KMT5A: variants seen among roughly 807,000 people sequenced by gnomAD.
The protein encoded by KMT5A is lysine methyltransferase 5A.
In KMT5A, 6 loss-of-function variants were observed where a neutral mutation model predicts 40.6. That is an observed-to-expected ratio of 0.15 (90% CI 0.08 to 0.29). The LOEUF (loss-of-function observed/expected upper bound fraction) is 0.29, where lower values mean the gene tolerates loss of function less well. Among genes scored for constraint, KMT5A ranks in the 10% least tolerant of loss-of-function variants. The probability of loss-of-function intolerance (pLI) is 1.00; values close to 1 mark genes in which losing one functional copy is unlikely to be tolerated. For missense variants in KMT5A, 308 were observed against 459.1 expected (o/e 0.67, Z 3.01); for synonymous variants, 153 against 178.8 (o/e 0.86, Z 1.15).
At chr12:123,388,931 C>G (rs1259004782) in intron 1 of KMT5A, 1 of 145,102 alleles carries the variant, frequency 6.9e-6, no homozygotes, top group Non-Finnish European at 1.5e-5. Context: ...CCGGGCCGGG[C>G]GCCGGACGGT....
At chr12:123,400,636 G>A (rs1405647117) in intron 5 of KMT5A, among the ~76,000 whole-genome samples, 1 of 152,122 alleles carries the variant, frequency 6.6e-6, no homozygotes, top group Non-Finnish European at 1.5e-5. Flanking sequence ...TAGGATTACA[G>A]ATGTGAGCCA....
chr12:123,390,260 C>G, intron 2 of KMT5A: 1 of 409,218 alleles, frequency 2.4e-6, no homozygotes, highest in Non-Finnish European at 4.8e-6. Flanking sequence ...TGCTGAGTCC[C>G]TGCGGCTCCT....
At chr12:123,395,658 G>C (rs528883403) in intron 4 of KMT5A, among the ~76,000 whole-genome samples, 9 of 151,252 alleles carry the variant, frequency 6.0e-5, no homozygotes, top group Non-Finnish European at 7.4e-5. Flanking sequence ...ACCACCTCCT[G>C]GGTTCAAGCG....
At chr12:123,386,076 T>C (rs1373354194) in intron 1 of KMT5A, among the ~76,000 whole-genome samples, 1 of 152,212 alleles carries the variant, frequency 6.6e-6, no homozygotes, top group Non-Finnish European at 1.5e-5. Flanking sequence ...GCTCCTCCCA[T>C]GGCAGCTTAC....
At chr12:123,390,441 C>T (rs959496300) in intron 2 of KMT5A, among the ~76,000 whole-genome samples, 189 bp from the exon 3 acceptor site, 1 of 152,162 alleles carries the variant, frequency 6.6e-6, no homozygotes, top group Non-Finnish European at 1.5e-5. Flanking sequence ...GTTTAGGAAA[C>T]GTTTCACTGG....
chr12:123,406,673 A>T (rs1878579072), intron 7 of KMT5A, among the ~76,000 whole-genome samples: 1 of 151,996 alleles, frequency 6.6e-6, no homozygotes, highest in Non-Finnish European at 1.5e-5. Context: ...CTGTGCCTCC[A>T]TAAAGAGCCC....
At chr12:123,400,641 G>T (rs1054522374) in intron 5 of KMT5A, among the ~76,000 whole-genome samples, 28 of 152,134 alleles carry the variant, frequency 1.8e-4, no homozygotes, top group African/African-American at 5.8e-4. Flanking sequence ...TTACAGATGT[G>T]AGCCACCGCG....
intron 3 of KMT5A, among the ~76,000 whole-genome samples, chr12:123,393,445 G>A (rs1877458111): frequency 6.6e-6 from 1 of 152,116 alleles, no homozygotes. Context: ...CATATGGATG[G>A]AATCACAAAA....
intron 5 of KMT5A, 39 bp downstream of exon 5, chr12:123,396,471 G>T: frequency 1.3e-6 from 2 of 1,596,428 alleles, no homozygotes; most frequent in South Asian, 1.1e-5. Flanking sequence ...TGGAGGGGCA[G>T]GGTGGCCCAC....
chr12:123,389,302 C>T (rs1222310204), intron 1 of KMT5A, 131 bp from the exon 2 acceptor site: 17 of 520,790 alleles, frequency 3.3e-5, no homozygotes, highest in Non-Finnish European at 4.1e-5. Flanking sequence ...GGCGGCTCAC[C>T]AGAGCCGGGG....
intron 1 of KMT5A, among the ~76,000 whole-genome samples, chr12:123,386,272 G>C (rs969655830): frequency 6.9e-6 from 1 of 145,948 alleles, no homozygotes; most frequent in South Asian, 2.1e-4. Context: ...CTGGAGTACA[G>C]TGGAGTGATT....
At chr12:123,401,029 A>T (rs1878114881) in intron 5 of KMT5A, among the ~76,000 whole-genome samples, 1 of 150,802 alleles carries the variant, frequency 6.6e-6, no homozygotes, top group Admixed American at 6.6e-5. Flanking sequence ...TCCTGACCTC[A>T]GGTGATCCAC....
At chr12:123,396,770 G>C (rs1418836784) in intron 5 of KMT5A, among the ~76,000 whole-genome samples, 2 of 152,000 alleles carry the variant, frequency 1.3e-5, no homozygotes, top group Non-Finnish European at 2.9e-5. Flanking sequence ...TGTGGGAAAG[G>C]CTGCCTGTTC....
chr12:123,400,121 CGTGAGACCCCATCTT>C (rs1555256907), intron 5 of KMT5A, among the ~76,000 whole-genome samples: 2 of 151,208 alleles, frequency 1.3e-5, no homozygotes, highest in African/African-American at 2.4e-5. Flanking sequence ...TGAGCCCGGC[CGTGAGACCCCATCTT>C]AAAAAATAAT....
At chr12:123,403,539 G>C in intron 5 of KMT5A, 34 bp from the exon 6 acceptor site, 2 of 1,612,680 alleles carry the variant, frequency 1.2e-6, no homozygotes, top group Non-Finnish European at 1.7e-6. Context: ...CCTAGGAGAA[G>C]ATACTGATGC....
chr12:123,386,184 C>G (rs1172914555), intron 1 of KMT5A, among the ~76,000 whole-genome samples: 1 of 150,002 alleles, frequency 6.7e-6, no homozygotes, highest in Non-Finnish European at 1.5e-5. Flanking sequence ...CCCTTGCAAG[C>G]TATTAAATTG....
rs138065510 is a variant in KMT5A, at chr12:123,408,504, TAA to T, written c.*808_*809del. On this transcript the variant is annotated 3_prime_UTR_variant, in exon 8 of 8. Coordinates refer to ENST00000402868, the MANE Select transcript of KMT5A (RefSeq NM_020382.7). Reference sequence around the variant, plus strand: ...AATAAAAATTTAAAAAAATTAAAAATAAAAAAAACCACAGAAAACAACTTTAC... The same window carrying T: ...AATAAAAATTTAAAAAAATTAAAAATAAAAAACCACAGAAAACAACTTTAC... 7.6e-6 allele frequency: 1 copy of T among 132,040 alleles called. No individual in the cohort carries two copies. The highest frequency in any genetic ancestry group is 2.7e-5 in the African/African-American group (1 of 36,688). The allele number at this position is 132,040 out of a possible 1,614,324, so 8.2% of individuals were successfully genotyped here. A position where few individuals can be genotyped will look rare whatever the true frequency, so the allele number is the denominator to read the frequency against.
At chr12:123,405,105 C>T (rs1007560680) in intron 7 of KMT5A, 31 bp downstream of exon 7, 1 of 1,579,676 alleles carries the variant, frequency 6.3e-7, no homozygotes, top group African/African-American at 1.3e-5. Flanking sequence ...AGTGGCTTTT[C>T]TGTCCTCTGG....
At chr12:123,393,117 G>A (rs1489473056) in intron 3 of KMT5A, among the ~76,000 whole-genome samples, 2 of 152,150 alleles carry the variant, frequency 1.3e-5, no homozygotes, top group Non-Finnish European at 2.9e-5. Context: ...ACCTCAGGTG[G>A]CCCACCCGCC....
Sources: gnomAD v4.1 joint callset for allele counts (sites outside exome capture counted in the v4.1 genomes callset) on GRCh38, gnomAD v4.1.1 for gene constraint, MANE v1.5 for transcripts, NCBI Gene and HGNC (gene_info 2026-07-23, HGNC 2026-07-21) for gene names.